LRTM1: variants seen among roughly 807,000 people sequenced by gnomAD.
LRTM1 encodes the protein leucine rich repeat transmembrane protein 1, also known as leucine-rich repeat and transmembrane domain-containing protein 1.
LRTM1 carries 38 observed loss-of-function variants against 32.4 expected under a neutral mutation model. The observed-to-expected ratio is 1.17, with a 90% confidence interval of 0.91 to 1.54. The LOEUF is 1.54. Among genes scored for constraint, LRTM1 ranks in the 40% most tolerant of loss-of-function variants. LRTM1 has a pLI of 0.00. For synonymous variants in LRTM1, 186 were observed against 169.9 expected (o/e 1.09, Z -0.74); for missense variants, 466 against 415.4 (o/e 1.12, Z -1.06).
intron 1 of LRTM1, among the ~76,000 whole-genome samples, chr3:54,946,258 C>T (rs749096009): frequency 2.0e-5 from 3 of 152,174 alleles, no homozygotes; most frequent in Non-Finnish European, 4.4e-5. Flanking sequence ...ATTTCTCCCC[C>T]AGTCCCCAGG....
Position 54,956,189 on chromosome 3 carries a change from G to C in LRTM1, c.-222+10739C>G, listed in dbSNP as rs148869694. ...CACCCAGGTGTTTGACTTTGAAGTGGGTATCTCCCTGGCCAGAGGGAACCA... is the reference window on the plus strand; with the variant it reads ...CACCCAGGTGTTTGACTTTGAAGTGCGTATCTCCCTGGCCAGAGGGAACCA... On this transcript the variant is annotated intron_variant, in intron 1 of 2. Coordinates refer to the LRTM1 transcript ENST00000493075. 6.4e-3 allele frequency among the ~76,000 whole-genome samples: 971 copies of C among 152,270 alleles called. 9 individuals carry two copies. Among genetic ancestry groups the C allele is most frequent in the African/African-American group, 0.022 (917 of 41,544 alleles).
chr3:54,937,870 TG>T (rs1356243068), intron 1 of LRTM1, among the ~76,000 whole-genome samples: 1 of 152,132 alleles, frequency 6.6e-6, no homozygotes, highest in Non-Finnish European at 1.5e-5. Context: ...AAGCAGGTGC[TG>T]GAGAAGGGGT....
intron 1 of LRTM1, among the ~76,000 whole-genome samples, chr3:54,938,073 C>G (rs891102659): frequency 1.3e-5 from 2 of 152,198 alleles, no homozygotes; most frequent in Admixed American, 1.3e-4. Context: ...TTCTCAGATC[C>G]TGAGCTTTGA....
chr3:54,961,181 A>G (rs1702022440), intron 1 of LRTM1, among the ~76,000 whole-genome samples: 1 of 152,254 alleles, frequency 6.6e-6, no homozygotes, highest in African/African-American at 2.4e-5. Context: ...TATCACTGCT[A>G]GCAATCTTTG....
intron 1 of LRTM1, among the ~76,000 whole-genome samples, chr3:54,962,214 A>C (rs771872104): frequency 6.6e-6 from 1 of 152,218 alleles, no homozygotes; most frequent in Non-Finnish European, 1.5e-5. Flanking sequence ...TTCAAACCAT[A>C]GCACAGGTTT....
intron 1 of LRTM1, 47 bp from the exon 2 acceptor site, chr3:54,925,262 G>A: frequency 6.7e-7 from 1 of 1,486,642 alleles, no homozygotes; most frequent in Middle Eastern, 1.7e-4. Context: ...TTTGTGAGGT[G>A]TGGTATCAGC....
In LRTM1 at chr3:54,918,872, T is replaced by C. The variant is rs1327858426; in HGVS notation, c.625A>G (p.Ile209Val). Residue 209 changes from isoleucine (I) to valine (V), a missense_variant, in exon 3 of 3, where the codon ATC becomes GTC. Coordinates refer to ENST00000273286, the MANE Select transcript of LRTM1 (RefSeq NM_020678.4). Reference sequence around the variant, plus strand: ...TTCCAGGTGTCTGGTGATTCACAGATGATGCCGTCTGTTAGTCCCCCTTTA... The same window carrying C: ...TTCCAGGTGTCTGGTGATTCACAGACGATGCCGTCTGTTAGTCCCCCTTTA... The part of the protein sequence containing the change: ...VYKGGLTDGI[I>V]CESPDTWKGK... 3.9e-6 allele frequency: 6 copies of C among 1,548,756 alleles called. No individual in the cohort carries two copies. The highest frequency in any genetic ancestry group is 1.4e-5 in the African/African-American group (1 of 72,896).
At chr3:54,920,317 A>T (rs1189281902) in intron 2 of LRTM1, among the ~76,000 whole-genome samples, 1 of 152,164 alleles carries the variant, frequency 6.6e-6, no homozygotes, top group Non-Finnish European at 1.5e-5. Context: ...CAGTGCAAGG[A>T]TTATCAGGTG....
intron 1 of LRTM1, among the ~76,000 whole-genome samples, chr3:54,941,588 C>T (rs888209412): frequency 6.6e-6 from 1 of 152,082 alleles, no homozygotes; most frequent in Non-Finnish European, 1.5e-5. Flanking sequence ...ATCATTGCTC[C>T]CCTCACAATG....
At chr3:54,923,879 C>A (rs1700930145) in intron 2 of LRTM1, among the ~76,000 whole-genome samples, 1 of 152,166 alleles carries the variant, frequency 6.6e-6, no homozygotes. Flanking sequence ...CAATACAGCC[C>A]CTGTCACAAC....
In LRTM1 at chr3:54,951,922, C is replaced by G. The variant is rs563392185; in HGVS notation, c.-222+15006G>C. Among the ~76,000 whole-genome samples the G allele has an allele frequency of 1.1e-4, 17 of 152,270 alleles. No homozygotes were observed. In the East Asian group the frequency reaches 3.1e-3, roughly 28 times the overall value. On this transcript the variant is annotated intron_variant, in intron 1 of 2. Coordinates refer to the LRTM1 transcript ENST00000493075. The stretch of plus-strand genomic sequence containing the variant: ...GGAGTGCAGTGACGCGATCTCGGCT[C>G]ACTGCAACCTCCCTACCCCAGGTTC...
intron 1 of LRTM1, among the ~76,000 whole-genome samples, chr3:54,956,455 C>G (rs1348233684): frequency 6.6e-6 from 1 of 152,176 alleles, no homozygotes; most frequent in Non-Finnish European, 1.5e-5. Context: ...CTTTTAAAGG[C>G]CAGGAAATGC....
Position 54,933,892 on chromosome 3 carries a change from C to T in LRTM1, c.-221-8677G>A, listed in dbSNP as rs537068146. Among the ~76,000 whole-genome samples, 13 of 152,024 alleles carry T rather than the reference C, an allele frequency of 8.6e-5. No homozygotes were observed. The South Asian group carries it at 1.7e-3, about 19-fold the overall frequency. The stretch of plus-strand genomic sequence containing the variant: ...CAAGCAATTCTCCTGCCTCAGCCTC[C>T]GGAGTAGCTGGGATTACAGGCACAC... On this transcript the variant is annotated intron_variant, in intron 1 of 2. Transcript: ENST00000493075.
intron 1 of LRTM1, among the ~76,000 whole-genome samples, chr3:54,939,672 A>C (rs1298016448): frequency 3.9e-5 from 6 of 152,224 alleles, no homozygotes; most frequent in Admixed American, 3.9e-4. Flanking sequence ...GATCTGGGAC[A>C]CATTTGTCAT....
At chr3:54,918,979 G>T in intron 2 of LRTM1, 87 bp from the exon 3 acceptor site, 2 of 1,105,498 alleles carry the variant, frequency 1.8e-6, no homozygotes, top group Middle Eastern at 3.2e-4. Context: ...TTAGGCAGAT[G>T]GAATTTATGA....
upstream of LRTM1, among the ~76,000 whole-genome samples, chr3:54,930,853 T>C (rs1012567854): frequency 4.6e-5 from 7 of 152,112 alleles, no homozygotes; most frequent in African/African-American, 1.7e-4. Context: ...CCCAATATAC[T>C]TTGGGAGGCT....
chr3:54,928,400 C>T (rs1223258093), upstream of LRTM1, among the ~76,000 whole-genome samples: 1 of 152,178 alleles, frequency 6.6e-6, no homozygotes, highest in African/African-American at 2.4e-5. Context: ...TGCCGGGTCA[C>T]CCCTCTTTGG....
intron 1 of LRTM1, among the ~76,000 whole-genome samples, chr3:54,927,239 T>C (rs1051486083): frequency 2.0e-5 from 3 of 152,156 alleles, no homozygotes; most frequent in African/African-American, 7.2e-5. Context: ...CTAACAGTGC[T>C]CTAGGGCAAT....
chr3:54,918,582 T>A lies in LRTM1; in HGVS notation c.915A>T (p.Ala305=), dbSNP rs1207307100. The part of the protein sequence containing the change: ...VCGIVCLMML[A]AAIYGCTYAA... ...CATAGGTGCAGCCATAGATGGCAGC[T>A]GCCAACATCATGAGACACACAATCC... Residue 305 remains alanine, a synonymous_variant, in exon 3 of 3, where the codon GCA becomes GCT. Coordinates refer to ENST00000273286, the MANE Select transcript of LRTM1 (RefSeq NM_020678.4). 6.2e-7 allele frequency: 1 copy of A among 1,614,154 alleles called. No homozygotes were observed. The highest frequency in any genetic ancestry group is 1.1e-5 in the South Asian group (1 of 91,090).
Sources: gnomAD v4.1 joint callset for allele counts (sites outside exome capture counted in the v4.1 genomes callset) on GRCh38, gnomAD v4.1.1 for gene constraint, MANE v1.5 for transcripts, NCBI Gene and HGNC (gene_info 2026-07-23, HGNC 2026-07-21) for gene names.